Variants in CDKL5 observed in about 807,000 individuals in gnomAD.
CDKL5 encodes the protein cyclin dependent kinase like 5, also known as cyclin-dependent kinase-like 5.
Under a neutral mutation model 61.7 loss-of-function variants are expected in CDKL5, and 8 were observed. The observed-to-expected ratio is 0.13, with a 90% CI of 0.08 to 0.23. The LOEUF is 0.23. Ranked by LOEUF, CDKL5 falls within the 10% of genes least tolerant of loss-of-function variation. The probability of loss-of-function intolerance (pLI) is 1.00; values close to 1 mark genes in which losing one functional copy is unlikely to be tolerated. For synonymous variants in CDKL5, 275 were observed against 272.3 expected, an observed-to-expected ratio of 1.01 and a Z score of -0.10; for missense variants, 440 against 734.5, an observed-to-expected ratio of 0.60 and a Z score of 4.63.
intron 9 of CDKL5, chrX:18,589,580 G>A (rs1006148194): frequency 9.0e-6 from 1 of 111,573 alleles, no homozygotes; most frequent in African/African-American, 3.3e-5. Context: ...TTGCTATTGT[G>A]AATAGTGCCG....
In CDKL5 at chrX:18,613,184, G is replaced by T; in HGVS notation, c.2185G>T (p.Glu729Ter). The change falls in exon 15 of 18, where the codon GAA (glutamate) becomes TAA (stop). Residue 729 changes from glutamate (E) to a stop codon, truncating the protein, a stop_gained. Coordinates refer to ENST00000623535, the MANE Select transcript of CDKL5 (RefSeq NM_001323289.2). LOFTEE classifies it high-confidence loss of function. ...TCCACGTCCAGACAATTCTTTCCAT[G>T]AAAATAATGTGTCAACTAGAGTTTC... ...PSPRPDNSFH[E>*]NNVSTRVSSL... The T allele has an allele frequency of 8.4e-7, 1 of 1,188,807 alleles. No individual in the cohort carries two copies. Among genetic ancestry groups the T allele is most frequent in the South Asian group, 1.8e-5 (1 of 56,457 alleles).
chrX:18,550,059 C>A (rs2147121534), intron 3 of CDKL5, among the ~76,000 whole-genome samples: 1 of 111,498 alleles, frequency 9.0e-6, no homozygotes, highest in Admixed American at 9.5e-5. Flanking sequence ...AAGCTGATAC[C>A]CACGCTGTAG....
At chrX:18,577,824 T>C (rs1194280283) in intron 5 of CDKL5, among the ~76,000 whole-genome samples, 2 of 112,452 alleles carry the variant, frequency 1.8e-5, no homozygotes, top group African/African-American at 6.5e-5. Flanking sequence ...TTGTTTTCTA[T>C]ATTACAAAGC....
At chrX:18,609,436 A>T (rs1926470271) in intron 13 of CDKL5, 29 bp from the exon 14 acceptor site, 2 of 1,209,544 alleles carry the variant, frequency 1.7e-6, no homozygotes, top group South Asian at 1.8e-5. Context: ...TGTGTGGCTT[A>T]ACTTTTATAA....
At chrX:18,498,960 A>C (rs1353412189) in intron 1 of CDKL5, among the ~76,000 whole-genome samples, 1 of 111,114 alleles carries the variant, frequency 9.0e-6, no homozygotes, top group Non-Finnish European at 1.9e-5. Flanking sequence ...TAGTAGAGAC[A>C]GGATTTCACC....
chrX:18,469,810 T>C (rs1237480151), intron 1 of CDKL5, among the ~76,000 whole-genome samples: 1 of 112,169 alleles, frequency 8.9e-6, no homozygotes, highest in East Asian at 2.8e-4. Context: ...TTCACGGGCT[T>C]ATTTCAAAGA....
intron 3 of CDKL5, among the ~76,000 whole-genome samples, chrX:18,551,367 G>A (rs1238789662): frequency 9.2e-6 from 1 of 108,508 alleles, no homozygotes; most frequent in East Asian, 2.9e-4. Flanking sequence ...GTCCCTTCAG[G>A]CTGATACTAT....
chrX:18,527,074 C>T (rs774646552), intron 3 of CDKL5, among the ~76,000 whole-genome samples: 4 of 112,077 alleles, frequency 3.6e-5, no homozygotes, highest in African/African-American at 6.5e-5. Flanking sequence ...TGAGCCACCG[C>T]GCCTGGCCTT....
intron 3 of CDKL5, among the ~76,000 whole-genome samples, chrX:18,554,476 C>T (rs1371212795): frequency 3.1e-5 from 3 of 97,183 alleles, no homozygotes; most frequent in African/African-American, 1.2e-4. Flanking sequence ...AGTACAGTGG[C>T]GTGATCTCAG....
chrX:18,442,860 T>C (rs1255133813), intron 1 of CDKL5, among the ~76,000 whole-genome samples: 1 of 112,345 alleles, frequency 8.9e-6, no homozygotes, highest in South Asian at 3.6e-4. Flanking sequence ...GTAGTTCTCT[T>C]ATTCCAGGGT....
intron 4 of CDKL5, among the ~76,000 whole-genome samples, chrX:18,574,102 A>C (rs1017656094): frequency 2.7e-5 from 3 of 111,637 alleles, no homozygotes; most frequent in Non-Finnish European, 5.6e-5. Context: ...TCTCACACTG[A>C]AAGATGTGTC....
chrX:18,584,187 A>G (rs1269486940), intron 7 of CDKL5, 76 bp from the exon 8 acceptor site: 2 of 612,720 alleles, frequency 3.3e-6, no homozygotes, highest in South Asian at 4.4e-5. Context: ...AAGTATTACT[A>G]GCGCTGAAAT....
chrX:18,489,892 A>C (rs1158252408), intron 1 of CDKL5, among the ~76,000 whole-genome samples: 3 of 108,426 alleles, frequency 2.8e-5, no homozygotes, highest in African/African-American at 6.7e-5. Flanking sequence ...TCTACCCCCA[A>C]CTCTCCCTCA....
chrX:18,643,328 C>T (rs1223222840), downstream of CDKL5, among the ~76,000 whole-genome samples: 1 of 111,362 alleles, frequency 9.0e-6, no homozygotes, highest in Non-Finnish European at 1.9e-5. Context: ...ACGGGAAGGG[C>T]CTGGTCTGCC....
At chrX:18,542,137 A>C (rs1022797103) in intron 3 of CDKL5, among the ~76,000 whole-genome samples, 1 of 111,045 alleles carries the variant, frequency 9.0e-6, no homozygotes, top group Non-Finnish European at 1.9e-5. Context: ...TCTGGAAAGG[A>C]GGGGAATGGA....
intron 9 of CDKL5, among the ~76,000 whole-genome samples, chrX:18,594,921 G>A (rs1349844444): frequency 2.7e-5 from 3 of 112,237 alleles, no homozygotes; most frequent in East Asian, 5.6e-4. Flanking sequence ...GGTGGCTCAC[G>A]CCTGTAATCC....
chrX:18,485,509 A>C (rs1284884068), intron 1 of CDKL5, among the ~76,000 whole-genome samples: 1 of 112,339 alleles, frequency 8.9e-6, no homozygotes, highest in Non-Finnish European at 1.9e-5. Context: ...ATAGGGTGTC[A>C]ACAAAATTTC....
intron 3 of CDKL5, among the ~76,000 whole-genome samples, chrX:18,545,992 G>C: frequency 9.0e-6 from 1 of 111,450 alleles, no homozygotes; most frequent in East Asian, 2.8e-4. Context: ...ACCTACTCTA[G>C]TGAGTCCTGT....
At position 18,613,268 on chromosome X, in the gene CDKL5, G is replaced by A. The variant is rs758383464; in HGVS notation, c.2269G>A (p.Asp757Asn). The change falls in exon 15 of 18, where the codon GAT (aspartate) becomes AAT (asparagine). Residue 757 changes from aspartate (D) to asparagine (N), a missense_variant. Coordinates refer to ENST00000623535, the MANE Select transcript of CDKL5 (RefSeq NM_001323289.2). ...TNHSKRQPAF[D>N]PWKSPENISH... Reference sequence around the variant, plus strand: ...CCACTCAAAAAGACAACCAGCATTCGATCCATGGTGAGCATTTTGGTTTGT... The same window carrying A: ...CCACTCAAAAAGACAACCAGCATTCAATCCATGGTGAGCATTTTGGTTTGT... 6.7e-6 allele frequency: 8 copies of A among 1,196,183 alleles called. No individual in the cohort carries two copies. In the South Asian group the frequency reaches 7.1e-5, roughly 11 times the overall value.
Sources: allele counts gnomAD v4.1 joint callset (sites outside exome capture counted in the v4.1 genomes callset), GRCh38; gene constraint gnomAD v4.1.1; transcripts MANE v1.5; gene names NCBI Gene and HGNC (gene_info 2026-07-23, HGNC 2026-07-21).